Variants in DDX60 observed in about 807,000 individuals in gnomAD.
DDX60 encodes DExD/H-box helicase 60.
DDX60 carries 165 observed loss-of-function variants against 212.8 expected under a neutral mutation model. The observed-to-expected ratio is 0.78, with a 90% CI of 0.68 to 0.88. The LOEUF (loss-of-function observed/expected upper bound fraction) is 0.88. DDX60 is among the 40% of genes least tolerant of loss of function. The pLI, the probability that DDX60 is intolerant of heterozygous loss-of-function variation, is 0.00. For synonymous variants in DDX60, 703 were observed against 685.3 expected (o/e 1.03, Z -0.40); for missense variants, 1,905 against 2,003.9 (o/e 0.95, Z 0.94).
intron 33 of DDX60, among the ~76,000 whole-genome samples, chr4:168,226,574 T>A (rs151314548): frequency 6.6e-6 from 1 of 152,108 alleles, no homozygotes; most frequent in Non-Finnish European, 1.5e-5. Context: ...ATGGATTATA[T>A]GAGATATTTC....
In DDX60 at chr4:168,250,776, C is replaced by T. The variant is rs72975326; in HGVS notation, c.3858+178G>A. ...TCTGACCTAGGTGATCCGTCCATCT[C>T]GGCCTCCCAAAGTGCTGGTATTATA... On this transcript the variant is annotated intron_variant, in intron 28 of 37. Coordinates refer to ENST00000393743, the MANE Select transcript of DDX60 (RefSeq NM_017631.6). Among the ~76,000 whole-genome samples, 1,027 of 152,052 alleles carry T rather than the reference C, an allele frequency of 6.8e-3. 11 individuals carry two copies. The highest frequency in any genetic ancestry group is 0.023 in the African/African-American group (972 of 41,520).
chr4:168,250,264 T>C (rs1047437331), intron 28 of DDX60, among the ~76,000 whole-genome samples: 2 of 152,052 alleles, frequency 1.3e-5, no homozygotes, highest in African/African-American at 2.4e-5. Flanking sequence ...AAACTAGGCC[T>C]TGTGCAGTGG....
At chr4:168,264,525 T>C (rs1009181746) in intron 22 of DDX60, among the ~76,000 whole-genome samples, 3 of 138,688 alleles carry the variant, frequency 2.2e-5, no homozygotes, top group African/African-American at 8.7e-5. Context: ...TTTTAAAATA[T>C]AAATCTTCTG....
Position 168,267,977 on chromosome 4 carries a change from T to A in DDX60, c.2793A>T (p.Leu931=). 1 of 1,607,686 alleles carries A rather than the reference T, an allele frequency of 6.2e-7. No individual in the cohort carries two copies. The highest frequency in any genetic ancestry group is 8.5e-7 in the Non-Finnish European group (1 of 1,177,116). Residue 931 remains leucine (L), a synonymous_variant, in exon 21 of 38, where the codon CTA becomes CTT. Transcript: ENST00000393743. ...ISNPEHLTEW[L]QSVKWYWKQE... is the part of the protein sequence containing the mutation. ...GTTTCCAGTACCATTTTACCGATTG[T>A]AGCCACCTTAAAAAATAAATGTACA...
intron 9 of DDX60, among the ~76,000 whole-genome samples, chr4:168,287,925 G>T (rs1307852204): frequency 6.6e-6 from 1 of 152,028 alleles, no homozygotes; most frequent in East Asian, 1.9e-4. Flanking sequence ...GAAATTAACT[G>T]AAAATGCTGG....
chr4:168,320,061 TAAATC>T (rs1285208098), upstream of DDX60, among the ~76,000 whole-genome samples: 2 of 152,208 alleles, frequency 1.3e-5, no homozygotes, highest in Non-Finnish European at 2.9e-5. Context: ...TGATTGGTCT[TAAATC>T]AGCCAATATT....
At chr4:168,322,045 A>G (rs1560891437), upstream of DDX60, among the ~76,000 whole-genome samples, 1 of 152,132 alleles carries the variant, frequency 6.6e-6, no homozygotes, top group Non-Finnish European at 1.5e-5. Flanking sequence ...CAAATTTCTC[A>G]GGCCCATTAG....
intron 5 of DDX60, among the ~76,000 whole-genome samples, chr4:168,304,643 G>A (rs1179930090): frequency 6.6e-6 from 1 of 152,124 alleles, no homozygotes; most frequent in African/African-American, 2.4e-5. Flanking sequence ...GGAAGCTGCA[G>A]TGAGCTGTGA....
At chr4:168,240,155 G>A (rs115780770) in intron 30 of DDX60, among the ~76,000 whole-genome samples, 8,892 of 152,072 alleles carry the variant, frequency 0.058, 450 homozygotes, top group East Asian at 0.15. Context: ...AAAAATCACA[G>A]GCATTTTACT....
intron 1 of DDX60, among the ~76,000 whole-genome samples, chr4:168,312,086 A>G (rs894560843): frequency 6.6e-6 from 1 of 152,144 alleles, no homozygotes; most frequent in African/African-American, 2.4e-5. Flanking sequence ...CTTGAAGGAC[A>G]TTTAGGAGAT....
chr4:168,297,368 AAGAAAGAAAGAAAG>A (rs879266281), intron 6 of DDX60, among the ~76,000 whole-genome samples: 1,671 of 55,360 alleles, frequency 0.03, 152 homozygotes, highest in African/African-American at 0.06. Context: ...GAAAGAAAGA[AAGAAAGAAAGAAAG>A]AGAAAGAAAG....
intron 10 of DDX60, among the ~76,000 whole-genome samples, chr4:168,285,908 GAAGGAAGGAAGGA>G (rs1417668070): frequency 1.8e-5 from 1 of 54,378 alleles, no homozygotes; most frequent in Admixed American, 1.6e-4. Context: ...AGGAAGGAAG[GAAGGAAGGAAGGA>G]AGGAAGGAAG....
At chr4:168,323,839 T>G (rs1195787021), upstream of DDX60, among the ~76,000 whole-genome samples, 1 of 152,216 alleles carries the variant, frequency 6.6e-6, no homozygotes, top group Non-Finnish European at 1.5e-5. Context: ...AATGCGGAGA[T>G]GACTTTCAAA....
chr4:168,236,503 G>A, intron 32 of DDX60, 130 bp from the exon 33 acceptor site: 1 of 757,504 alleles, frequency 1.3e-6, no homozygotes, highest in Non-Finnish European at 2.0e-6. Flanking sequence ...AGCAATTGAA[G>A]AATTACCATA....
intron 5 of DDX60, among the ~76,000 whole-genome samples, chr4:168,303,461 T>C (rs1175823271): frequency 6.6e-6 from 1 of 152,038 alleles, no homozygotes; most frequent in Non-Finnish European, 1.5e-5. Flanking sequence ...CTGCTCAGAG[T>C]AGGCAACCAG....
At chr4:168,308,417 G>A (rs1736985084) in intron 3 of DDX60, among the ~76,000 whole-genome samples, 1 of 152,016 alleles carries the variant, frequency 6.6e-6, no homozygotes, top group African/African-American at 2.4e-5. Context: ...AGAGAGCAAA[G>A]TATCCAAAGC....
intron 36 of DDX60, among the ~76,000 whole-genome samples, chr4:168,221,507 G>C (rs899763869): frequency 6.6e-6 from 1 of 152,010 alleles, no homozygotes; most frequent in Non-Finnish European, 1.5e-5. Flanking sequence ...ATGTGAGCTG[G>C]GCTAAGTGCC....
chr4:168,253,078 C>T (rs1041323512), intron 26 of DDX60, among the ~76,000 whole-genome samples: 20 of 152,188 alleles, frequency 1.3e-4, no homozygotes, highest in African/African-American at 4.1e-4. Context: ...GCTGGGATTA[C>T]AGGCATGAGC....
At chr4:168,308,793 ATATAT>A (rs1737004908) in intron 3 of DDX60, among the ~76,000 whole-genome samples, 1 of 150,508 alleles carries the variant, frequency 6.6e-6, no homozygotes, top group Non-Finnish European at 1.5e-5. Context: ...TATTCAATAA[ATATAT>A]TAGAAAAATT....
Sources: gnomAD v4.1 joint callset for allele counts (sites outside exome capture counted in the v4.1 genomes callset) on GRCh38, gnomAD v4.1.1 for gene constraint, MANE v1.5 for transcripts, NCBI Gene and HGNC (gene_info 2026-07-23, HGNC 2026-07-21) for gene names.